The following IL16 variants were observed in gnomAD, a reference collection of about 807,000 sequenced individuals.
IL16 encodes pro-interleukin-16.
IL16 carries 67 observed loss-of-function variants against 110.1 expected under a neutral mutation model. That is an observed-to-expected ratio of 0.61 (90% CI 0.50 to 0.75). IL16 has a LOEUF of 0.75. Ranked by LOEUF, IL16 falls within the 30% of genes least tolerant of loss-of-function variation. The pLI, the probability that IL16 is intolerant of heterozygous loss-of-function variation, is 0.00. For missense variants in IL16, 1,545 were observed against 1,655.0 expected (o/e 0.93, Z 1.15); for synonymous variants, 689 against 662.9 (o/e 1.04, Z -0.61).
chr15:81,201,441 C>T (rs1028428570), intron 1 of IL16, among the ~76,000 whole-genome samples: 10 of 152,078 alleles, frequency 6.6e-5, no homozygotes, highest in Admixed American at 2.0e-4. Flanking sequence ...TTAGAGATCA[C>T]GAAATGTCTA....
intron 12 of IL16, chr15:81,295,527 T>A: frequency 7.8e-7 from 1 of 1,286,388 alleles, no homozygotes; most frequent in Non-Finnish European, 1.0e-6. Flanking sequence ...CCAGGTGAAA[T>A]TAAATTTCAT....
intron 2 of IL16, among the ~76,000 whole-genome samples, chr15:81,250,190 G>A (rs1897718234): frequency 6.6e-6 from 1 of 152,118 alleles, no homozygotes; most frequent in African/African-American, 2.4e-5. Context: ...TTTGTTTTGA[G>A]ACAAAGTCTT....
chr15:81,279,598 G>C lies in IL16; in HGVS notation c.905G>C (p.Arg302Pro), dbSNP rs770267179. 6.2e-7 allele frequency: 1 copy of C among 1,613,822 alleles called. No homozygotes were observed. Among genetic ancestry groups the C allele is most frequent in the Non-Finnish European group, 8.5e-7 (1 of 1,180,022 alleles). The change falls in exon 8 of 19, where the codon CGC (arginine) becomes CCC (proline). Residue 302 changes from arginine to proline, a missense_variant. Physicochemically the swap from Arg to Pro is moderately radical, Grantham distance 103. This residue lies in a region of IL16 where 1,185 missense variants were observed against 1,238.8 expected (regional missense o/e 0.96). Coordinates refer to ENST00000683961, the MANE Select transcript of IL16 (RefSeq NM_172217.5). ...CTCCTCACCCTCACCGTGAGAACCC[G>C]CCTGACGGCGCCTCCTTCCCTGTGC... ...KGLLTLTVRT[R>P]LTAPPSLCSH...
At chr15:81,220,236 G>A (rs558795314) in intron 1 of IL16, among the ~76,000 whole-genome samples, 2 of 152,288 alleles carry the variant, frequency 1.3e-5, no homozygotes, top group South Asian at 4.1e-4. Context: ...CCAGGCTCAA[G>A]CAATCTCTCC....
intron 12 of IL16, among the ~76,000 whole-genome samples, chr15:81,293,726 A>C (rs1196825436): frequency 6.6e-6 from 1 of 152,238 alleles, no homozygotes; most frequent in Non-Finnish European, 1.5e-5. Flanking sequence ...CATTGCCATG[A>C]TCTTTCCCCA....
chr15:81,188,722 C>T (rs1032431767), intron 1 of IL16, among the ~76,000 whole-genome samples: 1 of 152,108 alleles, frequency 6.6e-6, no homozygotes. Flanking sequence ...TCCCTCTTTC[C>T]CTCCTTCCTT....
Position 81,292,784 on chromosome 15 carries a change from G to T in IL16, c.1649G>T (p.Arg550Leu). 1 of 1,614,094 alleles carries T rather than the reference G, an allele frequency of 6.2e-7. No homozygotes were observed. Among genetic ancestry groups the T allele is most frequent in the Non-Finnish European group, 8.5e-7 (1 of 1,180,010 alleles). ...CACAGCCCCAGCTTGCCTCTGGCACGGGAGCCAGTGGTGCTTTCTATAGCA... is the reference window on the plus strand; with the variant it reads ...CACAGCCCCAGCTTGCCTCTGGCACTGGAGCCAGTGGTGCTTTCTATAGCA... ...STHSPSLPLA[R>L]EPVVLSIASS... The change falls in exon 12 of 19, where the codon CGG becomes CTG. Residue 550 changes from arginine to leucine, a missense_variant. This residue lies in a region of IL16 where 1,185 missense variants were observed against 1,238.8 expected (regional missense o/e 0.96). Transcript: ENST00000683961.
At chr15:81,266,874 T>C (rs1898405574) in intron 4 of IL16, among the ~76,000 whole-genome samples, 1 of 152,218 alleles carries the variant, frequency 6.6e-6, no homozygotes, top group Non-Finnish European at 1.5e-5. Flanking sequence ...GGTCAAGCAA[T>C]GTTTCCCTGC....
Position 81,225,731 on chromosome 15 carries a change from G to C in IL16, c.312+20G>C. ...ATGAAGGTATGCCCAGGCTTTGCAG[G>C]CCTGAACTAGCCTGCAGTTGGTTTC... On this transcript the variant is annotated intron_variant, in intron 2 of 18. Coordinates refer to ENST00000683961, the MANE Select transcript of IL16 (RefSeq NM_172217.5). 3 of 1,550,604 alleles carry C rather than the reference G, an allele frequency of 1.9e-6. No homozygotes were observed. Among genetic ancestry groups the C allele is most frequent in the South Asian group, 2.4e-5 (2 of 83,154 alleles).
intron 1 of IL16, among the ~76,000 whole-genome samples, chr15:81,185,628 C>A (rs967897087): frequency 6.6e-6 from 1 of 152,250 alleles, no homozygotes; most frequent in Admixed American, 6.5e-5. Context: ...TTAGAGTATT[C>A]TAGGCTTCAA....
intron 5 of IL16, among the ~76,000 whole-genome samples, chr15:81,272,012 G>A (rs2142249464): frequency 6.6e-6 from 1 of 152,372 alleles, no homozygotes; most frequent in South Asian, 2.1e-4. Context: ...TAGGAGCCAA[G>A]CTACTGGCCA....
At chr15:81,269,445 C>T (rs1898533981) in intron 4 of IL16, 93 bp from the exon 5 acceptor site, 1 of 824,616 alleles carries the variant, frequency 1.2e-6, no homozygotes, top group Admixed American at 1.8e-5. Flanking sequence ...GGACTTGGTT[C>T]CTCTCTTTGG....
rs1567008737 is a variant in IL16, at chr15:81,231,368, CT to C, written c.312+5658del. Among the ~76,000 whole-genome samples, 234 of 145,630 alleles carry C rather than the reference CT, an allele frequency of 1.6e-3. 3 individuals are homozygous for C. The highest frequency in any genetic ancestry group is 5.8e-3 in the African/African-American group (219 of 37,944). On this transcript the variant is annotated intron_variant, in intron 2 of 18. Coordinates refer to ENST00000683961, the MANE Select transcript of IL16 (RefSeq NM_172217.5). ...TCTCTCTCTCTCTCTCTCTCTCTCTCTCTCTCTCTCTCTCCCTCTCTTAAGA... is the reference window on the plus strand; with the variant it reads ...TCTCTCTCTCTCTCTCTCTCTCTCTCCTCTCTCTCTCTCCCTCTCTTAAGA...
At position 81,231,324 on chromosome 15, in the gene IL16, GTCTCTCTCTCTCTCTCTC is replaced by G. The variant is rs532872365; in HGVS notation, c.312+5654_312+5671del. 8.3e-3 allele frequency among the ~76,000 whole-genome samples: 391 copies of G among 47,144 alleles called. 4 individuals are homozygous for G. The highest frequency in any genetic ancestry group is 0.028 in the African/African-American group (361 of 12,742). 30.9% of individuals were successfully genotyped at this position (47,144 alleles called of 152,430 possible). On this transcript the variant is annotated intron_variant, in intron 2 of 18. Transcript: ENST00000683961. ...GGGGAGATCTACCCAAGGTCGGTCT[GTCTCTCTCTCTCTCTCTC>G]TCTCTCTCTCTCTCTCTCTCTCTCT... is the stretch of plus-strand genomic sequence containing the variant.
upstream of IL16, among the ~76,000 whole-genome samples, chr15:81,195,827 C>T (rs772364060): frequency 8.5e-5 from 13 of 152,254 alleles, no homozygotes; most frequent in African/African-American, 1.7e-4. Flanking sequence ...ATGCTCTTTG[C>T]GGGGCAGATG....
At chr15:81,284,161 G>T (rs1899332133) in intron 9 of IL16, among the ~76,000 whole-genome samples, 1 of 151,990 alleles carries the variant, frequency 6.6e-6, no homozygotes, top group Admixed American at 6.6e-5. Flanking sequence ...AACTGATCTG[G>T]ATTTGATTTA....
chr15:81,232,931 T>C (rs1042515276), intron 2 of IL16, among the ~76,000 whole-genome samples: 1 of 152,158 alleles, frequency 6.6e-6, no homozygotes, highest in African/African-American at 2.4e-5. Flanking sequence ...TTGACTTACA[T>C]TGGTGCTATA....
intron 1 of IL16, among the ~76,000 whole-genome samples, chr15:81,205,169 A>C (rs1401419608): frequency 6.6e-6 from 1 of 151,908 alleles, no homozygotes; most frequent in Non-Finnish European, 1.5e-5. Flanking sequence ...AGCCGGGCAT[A>C]GTGGCACGTG....
chr15:81,248,496 T>A (rs1034870349), intron 2 of IL16, among the ~76,000 whole-genome samples: 22 of 149,456 alleles, frequency 1.5e-4, no homozygotes, highest in Admixed American at 5.3e-4. Flanking sequence ...TATTATTATA[T>A]TTAAAATTAT....
Sources: gnomAD v4.1 joint callset for allele counts (sites outside exome capture counted in the v4.1 genomes callset) on GRCh38, gnomAD v4.1.1 for gene constraint, gnomAD v4.1.1 regional missense constraint, MANE v1.5 for transcripts, NCBI Gene and HGNC (gene_info 2026-07-23, HGNC 2026-07-21) for gene names.